COX6B1: variants seen among roughly 807,000 people sequenced by gnomAD.
COX6B1 encodes COX VIb-1.
In COX6B1, 2 loss-of-function variants were observed where a neutral mutation model predicts 14.0. That is an observed-to-expected ratio of 0.14 (90% CI 0.06 to 0.45). The LOEUF (loss-of-function observed/expected upper bound fraction) is 0.45. Among genes scored for constraint, COX6B1 ranks in the 20% least tolerant of loss-of-function variants. The pLI is 0.98. For missense variants in COX6B1, 81 were observed against 114.2 expected (o/e 0.71, Z 1.33); for synonymous variants, 30 against 39.7 (o/e 0.76, Z 0.92).
chr19:35,650,669 G>A (rs2146369628), intron 1 of COX6B1, among the ~76,000 whole-genome samples: 1 of 151,866 alleles, frequency 6.6e-6, no homozygotes, highest in East Asian at 1.9e-4. Flanking sequence ...GGTCGTACCA[G>A]TGAGCCTGGG....
intron 3 of COX6B1, among the ~76,000 whole-genome samples, chr19:35,655,133 G>A (rs1052457110): frequency 1.3e-5 from 2 of 151,262 alleles, no homozygotes; most frequent in Admixed American, 6.6e-5. Context: ...GGGTTCAAGC[G>A]ATTCCCCTGC....
chr19:35,651,740 T>G (rs1324439158), intron 2 of COX6B1, among the ~76,000 whole-genome samples: 1 of 152,000 alleles, frequency 6.6e-6, no homozygotes, highest in Non-Finnish European at 1.5e-5. Flanking sequence ...CTTGGCTAAT[T>G]TTTTTGTAGA....
intron 1 of COX6B1, among the ~76,000 whole-genome samples, chr19:35,650,924 T>G (rs1967817168): frequency 6.6e-6 from 1 of 152,156 alleles, no homozygotes; most frequent in Non-Finnish European, 1.5e-5. Context: ...TCCTACCTTT[T>G]AGAGTGGCTA....
At chr19:35,651,406 C>T (rs943310306) in intron 2 of COX6B1, 57 bp downstream of exon 2, 2 of 1,340,068 alleles carry the variant, frequency 1.5e-6, no homozygotes, top group Non-Finnish European at 2.1e-6. Flanking sequence ...TTGCCTCTTC[C>T]TAGGGGACCC....
intron 1 of COX6B1, among the ~76,000 whole-genome samples, chr19:35,650,747 A>G (rs1355327815): frequency 1.3e-5 from 2 of 152,046 alleles, no homozygotes; most frequent in Non-Finnish European, 2.9e-5. Context: ...TCTGGGATTC[A>G]TCAGACTGCT....
intron 2 of COX6B1, 139 bp downstream of exon 2, chr19:35,651,488 T>C (rs1193572641): frequency 4.2e-6 from 3 of 711,068 alleles, no homozygotes; most frequent in Non-Finnish European, 7.7e-6. Flanking sequence ...CATCACCTGC[T>C]GTTCAGGTCC....
Position 35,658,745 on chromosome 19 carries a change from A to T in COX6B1, c.*98A>T, listed in dbSNP as rs1196735994. 9.2e-7 allele frequency: 1 copy of T among 1,084,772 alleles called. No individual in the cohort carries two copies. Among genetic ancestry groups the T allele is most frequent in the Non-Finnish European group, 1.4e-6 (1 of 705,058 alleles). 67.2% of individuals were successfully genotyped at this position (1,084,772 alleles called of 1,614,324 possible). The stretch of plus-strand genomic sequence containing the variant: ...GATCCCCACCCCAGGATCCTAAATC[A>T]TGACTTACCTGCTAATAAAAACTCA... On this transcript the variant is annotated 3_prime_UTR_variant, in exon 4 of 4. Transcript: ENST00000649813.
Position 35,651,261 on chromosome 19 carries a change from G to A in COX6B1, c.18G>A (p.Glu6=), listed in dbSNP as rs555965567. The change falls in exon 2 of 4, where the codon GAG becomes GAA. Residue 6 remains glutamate (E), a synonymous_variant. Coordinates refer to ENST00000649813, the MANE Select transcript of COX6B1 (RefSeq NM_001863.5). MAEDM[E]TKIKNYKTAP... is the part of the protein sequence containing the mutation. ...TCAGCACCATGGCGGAAGACATGGA[G>A]ACCAAAATCAAGAACTACAAGACCG... 6.2e-7 allele frequency: 1 copy of A among 1,614,036 alleles called. No individual in the cohort carries two copies. The highest frequency in any genetic ancestry group is 2.2e-5 in the East Asian group (1 of 44,874).
intron 1 of COX6B1, among the ~76,000 whole-genome samples, chr19:35,649,295 A>C (rs1390137030): frequency 6.6e-6 from 1 of 151,998 alleles, no homozygotes; most frequent in East Asian, 1.9e-4. Context: ...TTTTGTTAGC[A>C]ATGAAAATCA....
In COX6B1 at chr19:35,654,557, C is replaced by T. The variant is rs999574796; in HGVS notation, c.107-14C>T. 24 of 1,612,136 alleles carry T rather than the reference C, an allele frequency of 1.5e-5. No homozygotes were observed. Among genetic ancestry groups the T allele is most frequent in the East Asian group, 2.2e-5 (1 of 44,884 alleles). ...ACTCTTGATCTGGGCTGACTTGAAC[C>T]CCTTTCTTCACAGACTTCCACCGCT... On this transcript the variant is annotated splice_polypyrimidine_tract_variant and intron_variant, in intron 2 of 3. Transcript: ENST00000649813.
intron 2 of COX6B1, among the ~76,000 whole-genome samples, chr19:35,652,439 T>C (rs936105941): frequency 6.6e-6 from 1 of 151,802 alleles, no homozygotes; most frequent in Admixed American, 6.6e-5. Context: ...GTTTTGGTTT[T>C]TGTTTTTGAG....
At chr19:35,653,727 C>T (rs1008852964) in intron 2 of COX6B1, among the ~76,000 whole-genome samples, 6 of 151,860 alleles carry the variant, frequency 4.0e-5, no homozygotes, top group Admixed American at 1.3e-4. Context: ...ACTACAGGTG[C>T]CCGCCACCGC....
At chr19:35,655,121 C>T (rs1371146746) in intron 3 of COX6B1, among the ~76,000 whole-genome samples, 2 of 151,444 alleles carry the variant, frequency 1.3e-5, no homozygotes, top group Non-Finnish European at 2.9e-5. Context: ...CCTCCGCCTC[C>T]TGGGTTCAAG....
chr19:35,650,692 A>G (rs1967814824), intron 1 of COX6B1, among the ~76,000 whole-genome samples: 1 of 150,250 alleles, frequency 6.7e-6, no homozygotes, highest in South Asian at 2.1e-4. Context: ...ACAGAGCAAG[A>G]CTCTGTCTTA....
chr19:35,650,739 T>A (rs1240466317), intron 1 of COX6B1, among the ~76,000 whole-genome samples: 1 of 151,814 alleles, frequency 6.6e-6, no homozygotes, highest in Non-Finnish European at 1.5e-5. Context: ...GAGAGGTTTC[T>A]GGGATTCATC....
At chr19:35,648,706 C>T in intron 1 of COX6B1, 1 of 407,696 alleles carries the variant, frequency 2.5e-6, no homozygotes, top group Non-Finnish European at 5.0e-6. Flanking sequence ...CTAGCTGAAC[C>T]TACACAGCGA....
intron 3 of COX6B1, among the ~76,000 whole-genome samples, chr19:35,657,169 A>ATTCTAT (rs1967896577): frequency 6.6e-6 from 1 of 151,802 alleles, no homozygotes; most frequent in South Asian, 2.1e-4. Flanking sequence ...CATACTATAG[A>ATTCTAT]ATCAGTGGGA....
intron 2 of COX6B1, among the ~76,000 whole-genome samples, chr19:35,653,850 G>A (rs551093272): frequency 3.7e-4 from 56 of 152,276 alleles, no homozygotes; most frequent in African/African-American, 1.3e-3. Context: ...TTACAGGCAT[G>A]AGCCACTAGG....
At chr19:35,654,274 G>A (rs1967863031) in intron 2 of COX6B1, among the ~76,000 whole-genome samples, 1 of 152,138 alleles carries the variant, frequency 6.6e-6, no homozygotes, top group Admixed American at 6.5e-5. Context: ...TGTAATCCTA[G>A]CACTTTGGGA....
Sources: gnomAD v4.1 joint callset for allele counts (sites outside exome capture counted in the v4.1 genomes callset) on GRCh38, gnomAD v4.1.1 for gene constraint, MANE v1.5 for transcripts, NCBI Gene and HGNC (gene_info 2026-07-23, HGNC 2026-07-21) for gene names.